The following HERC2 variants were observed in gnomAD, a reference collection of about 807,000 sequenced individuals.
The protein encoded by HERC2 is HECT and RLD domain containing E3 ubiquitin protein ligase 2.
In HERC2, 102 loss-of-function variants were observed where a neutral mutation model predicts 537.7. That is an observed-to-expected ratio of 0.19 (90% CI 0.16 to 0.22). The LOEUF (loss-of-function observed/expected upper bound fraction) is 0.22, where lower values mean the gene tolerates loss of function less well. Ranked by LOEUF, HERC2 falls within the 10% of genes least tolerant of loss-of-function variation. The pLI is 1.00. For missense variants in HERC2, 4,236 were observed against 6,198.2 expected (o/e 0.68, Z 10.63); for synonymous variants, 2,224 against 2,466.2 (o/e 0.90, Z 2.91).
At chr15:28,117,463 G>A (rs1005319325) in intron 86 of HERC2, 6 of 648,358 alleles carry the variant, frequency 9.3e-6, no homozygotes, top group South Asian at 3.0e-5. Context: ...CCACAGCTGC[G>A]GCCCGGCAGC....
At chr15:28,279,971 A>G (rs2075979958) in intron 5 of HERC2, 97 bp downstream of exon 5, 1 of 870,014 alleles carries the variant, frequency 1.1e-6, no homozygotes, top group Non-Finnish European at 1.8e-6. Context: ...CAGAAGGTGA[A>G]GACAGCCTAT....
Position 28,299,527 on chromosome 15 carries a change from T to C in HERC2, c.73-11A>G. ...TCTTGTGAATGCAAGCTGGCAATGA[T>C]AAACGAGATAAGCTTACAGAGTGCT... On this transcript the variant is annotated splice_polypyrimidine_tract_variant and intron_variant, in intron 2 of 92. Transcript: ENST00000261609. 1 of 1,315,494 alleles carries C rather than the reference T, an allele frequency of 7.6e-7. No homozygotes were observed. Among genetic ancestry groups the C allele is most frequent in the African/African-American group, 1.4e-5 (1 of 69,582 alleles). 81.5% of individuals were successfully genotyped at this position (1,315,494 alleles called of 1,614,324 possible).
rs747615925 is a variant in HERC2 at position 28,233,175 on chromosome 15, T to C, written c.4646A>G (p.Lys1549Arg). The C allele has an allele frequency of 6.2e-7, 1 of 1,611,820 alleles. No individual in the cohort carries two copies. The highest frequency in any genetic ancestry group is 8.5e-7 in the Non-Finnish European group (1 of 1,179,766). ...CTTTTTCCTTCGTTCTCGAATTATC[T>C]TTTGAGCTATCCTCCTCCAACGGGG... ...SLPRWRRIAQ[K>R]IIRERRKKRV... The change falls in exon 30 of 93, where the codon AAG (lysine) becomes AGG (arginine). Residue 1549 changes from lysine (K) to arginine (R), a missense_variant. This residue lies in a region of HERC2 where 343 missense variants were observed against 417.2 expected (regional missense o/e 0.82). Transcript: ENST00000261609.
chr15:28,255,153 T>A (rs1239430297), intron 19 of HERC2, among the ~76,000 whole-genome samples: 4 of 151,954 alleles, frequency 2.6e-5, no homozygotes, highest in South Asian at 2.1e-4. Context: ...CTGTGCAACA[T>A]AGTAACACCT....
intron 68 of HERC2, among the ~76,000 whole-genome samples, chr15:28,165,546 C>A (rs1894041747): frequency 6.6e-6 from 1 of 151,726 alleles, no homozygotes; most frequent in Admixed American, 6.6e-5. Flanking sequence ...AATCCCAGCA[C>A]TTTGAGAGGA....
chr15:28,130,447 C>T (rs2142151538), intron 82 of HERC2, 56 bp downstream of exon 82: 1 of 1,578,444 alleles, frequency 6.3e-7, no homozygotes, highest in Non-Finnish European at 8.7e-7. Flanking sequence ...AGGTGGTGCA[C>T]ATACCCCAAT....
At chr15:28,163,801 T>C (rs147819916) in intron 68 of HERC2, among the ~76,000 whole-genome samples, 192 of 152,282 alleles carry the variant, frequency 1.3e-3, no homozygotes, top group African/African-American at 4.3e-3. Flanking sequence ...ATTGAAAACA[T>C]CATACATAAA....
At chr15:28,285,612 A>T (rs945372765) in intron 4 of HERC2, among the ~76,000 whole-genome samples, 1 of 151,956 alleles carries the variant, frequency 6.6e-6, no homozygotes, top group Non-Finnish European at 1.5e-5. Flanking sequence ...AATCAATAAT[A>T]TAAGTGCCCG....
intron 9 of HERC2, 97 bp downstream of exon 9, chr15:28,272,117 CA>C: frequency 8.9e-7 from 1 of 1,122,444 alleles, no homozygotes; most frequent in Non-Finnish European, 1.3e-6. Flanking sequence ...ACACACACGC[CA>C]GAGAAAAACA....
Position 28,280,171 on chromosome 15 carries a change from A to G in HERC2, c.439T>C (p.Leu147=), listed in dbSNP as rs2075985583. ...TTCAAGGCAATGAAATAGCGCTCCA[A>G]GATCACCAGCCTCTGCTTGAGTCGC... The part of the protein sequence containing the change: ...ALRLKQRLVI[L]ERYFIALNRT... The change falls in exon 5 of 93, where the codon TTG becomes CTG. Residue 147 remains leucine, a synonymous_variant. Coordinates refer to ENST00000261609, the MANE Select transcript of HERC2 (RefSeq NM_004667.6). The G allele has an allele frequency of 1.2e-6, 2 of 1,614,090 alleles. No homozygotes were observed.
rs1478075727 is a variant in HERC2 at position 28,228,264 on chromosome 15, G to A, written c.5418C>T (p.Leu1806=). The A allele has an allele frequency of 1.9e-6, 3 of 1,613,514 alleles. No individual in the cohort carries two copies. Among genetic ancestry groups the A allele is most frequent in the African/African-American group, 2.7e-5 (2 of 74,918 alleles). Residue 1806 remains leucine, a synonymous_variant, in exon 35 of 93, where the codon CTC becomes CTT. Coordinates refer to ENST00000261609, the MANE Select transcript of HERC2 (RefSeq NM_004667.6). ...QHGANNLDLL[L]NSGMLALTQT... is the part of the protein sequence containing the mutation. ...GCGTGAGGGCCAGCATGCCGGAATT[G>A]AGCAGAAGGTCGAGGTTGTTTGCGC...
Position 28,171,803 on chromosome 15 carries a change from G to A in HERC2, c.10058-2148C>T, listed in dbSNP as rs532135572. ...AAAACCTATACAATAGACCGGGTGC[G>A]GTGACTCACGCCTGTAATCCCAGCA... On this transcript the variant is annotated intron_variant, in intron 65 of 92. Transcript: ENST00000261609. 1.8e-4 allele frequency among the ~76,000 whole-genome samples: 27 copies of A among 152,126 alleles called. No individual in the cohort carries two copies. In the South Asian group the frequency reaches 4.4e-3, roughly 25 times the overall value.
At chr15:28,147,521 CCA>C (rs1257491278) in intron 70 of HERC2, among the ~76,000 whole-genome samples, 2 of 151,328 alleles carry the variant, frequency 1.3e-5, no homozygotes, top group Non-Finnish European at 2.9e-5. Flanking sequence ...GCCTATAGTC[CCA>C]GTTACTCAGG....
chr15:28,274,499 C>T lies in HERC2; in HGVS notation c.644-52G>A, dbSNP rs1412083075. The stretch of plus-strand genomic sequence containing the variant: ...CCCCCCCACTCCCCTCACTCTCCCG[C>T]TGGGCTTCCCACCCCTCAGCGAGAG... On this transcript the variant is annotated intron_variant, in intron 6 of 92. Coordinates refer to ENST00000261609, the MANE Select transcript of HERC2 (RefSeq NM_004667.6). 3 of 1,534,074 alleles carry T rather than the reference C, an allele frequency of 2.0e-6. No individual in the cohort carries two copies. The African/African-American group carries it at 4.1e-5, about 21-fold the overall frequency.
chr15:28,229,698 T>G lies in HERC2; in HGVS notation c.4959A>C (p.Lys1653Asn). The G allele has an allele frequency of 6.2e-7, 1 of 1,611,978 alleles. No homozygotes were observed. The highest frequency in any genetic ancestry group is 8.5e-7 in the Non-Finnish European group (1 of 1,179,830). ...CCTGTTTTAGTAGGCACTTTCTCAT[T>G]TTTTCCACATCCACTGGCTCTTCTT... is the stretch of plus-strand genomic sequence containing the variant. ...ALKEEPVDVEKMRKCLLKQLE... is the reference protein window; with the variant it reads ...ALKEEPVDVENMRKCLLKQLE... The change falls in exon 32 of 93, where the codon AAA (lysine) becomes AAC (asparagine). Residue 1653 changes from lysine (K) to asparagine (N), a missense_variant. Transcript: ENST00000261609.
chr15:28,256,619 T>C (rs2075270323), intron 17 of HERC2, among the ~76,000 whole-genome samples: 1 of 152,062 alleles, frequency 6.6e-6, no homozygotes. Flanking sequence ...AACACAGAAA[T>C]AACAGCTACA....
At chr15:28,155,867 G>A (rs1263236753) in intron 69 of HERC2, among the ~76,000 whole-genome samples, 3 of 152,098 alleles carry the variant, frequency 2.0e-5, no homozygotes, top group Non-Finnish European at 2.9e-5. Context: ...TATTCCCTAG[G>A]TCTTCTTCTA....
chr15:28,314,603 A>G (rs1374781111), intron 2 of HERC2, among the ~76,000 whole-genome samples: 1 of 152,128 alleles, frequency 6.6e-6, no homozygotes, highest in Non-Finnish European at 1.5e-5. Flanking sequence ...CACACCTGTC[A>G]TCTCAGACTT....
chr15:28,124,484 G>C (rs767148906), intron 84 of HERC2, among the ~76,000 whole-genome samples: 1 of 152,206 alleles, frequency 6.6e-6, no homozygotes, highest in Non-Finnish European at 1.5e-5. Flanking sequence ...GAACAGTTTG[G>C]TGTGGAAGAG....
Sources: gnomAD v4.1 joint callset for allele counts (sites outside exome capture counted in the v4.1 genomes callset) on GRCh38, gnomAD v4.1.1 for gene constraint, gnomAD v4.1.1 regional missense constraint, MANE v1.5 for transcripts, NCBI Gene and HGNC (gene_info 2026-07-23, HGNC 2026-07-21) for gene names.